The following TEX14 variants were observed in gnomAD, a reference collection of about 807,000 sequenced individuals.
TEX14 encodes testis expressed 14, intercellular bridge forming factor, also known as inactive serine/threonine-protein kinase TEX14.
In TEX14, 168 loss-of-function variants were observed where a neutral mutation model predicts 178.6. That is an observed-to-expected ratio of 0.94 (90% CI 0.83 to 1.07). The LOEUF is 1.07. TEX14 is among the 50% of genes least tolerant of loss of function. TEX14 has a pLI of 0.00. For missense variants in TEX14, 1,730 were observed against 1,753.6 expected, an observed-to-expected ratio of 0.99 and a Z score of 0.24; for synonymous variants, 626 against 634.1, an observed-to-expected ratio of 0.99 and a Z score of 0.19.
At chr17:58,640,910 A>G (rs998662032) in intron 2 of TEX14, among the ~76,000 whole-genome samples, 8 of 151,890 alleles carry the variant, frequency 5.3e-5, no homozygotes, top group Admixed American at 2.0e-4. Context: ...TGTAGAGACA[A>G]GTTTTCACCG....
At position 58,630,548 on chromosome 17, in the gene TEX14, T is replaced by C. The variant is rs1458823814; in HGVS notation, c.143A>G (p.Tyr48Cys). 10 of 1,611,102 alleles carry C rather than the reference T, an allele frequency of 6.2e-6. No individual in the cohort carries two copies. Among genetic ancestry groups the C allele is most frequent in the Non-Finnish European group, 7.6e-6 (9 of 1,177,558 alleles). The change falls in exon 3 of 32, where the codon TAT (tyrosine) becomes TGT (cysteine). Residue 48 changes from tyrosine to cysteine, a missense_variant. Around this residue, in one of 2 missense-constraint regions of TEX14, gnomAD observed 789 missense variants for 681.2 expected, o/e 1.16. Transcript: ENST00000349033. The part of the protein sequence containing the change: ...KVKKILKKGI[Y>C]VDAVNSLGQT... The stretch of plus-strand genomic sequence containing the variant: ...GCCCAAGGAGTTAACTGCATCAACA[T>C]AAATTCCTGCAAAGGAAATATCAGA...
intron 10 of TEX14, among the ~76,000 whole-genome samples, chr17:58,606,954 G>A (rs1014132654): frequency 2.7e-5 from 4 of 150,076 alleles, no homozygotes; most frequent in Non-Finnish European, 5.9e-5. Context: ...GAATCCGGGA[G>A]GCAGAGGTTG....
intron 31 of TEX14, among the ~76,000 whole-genome samples, chr17:58,557,364 G>A (rs1312669128): frequency 2.0e-5 from 3 of 151,566 alleles, no homozygotes; most frequent in Non-Finnish European, 2.9e-5. Context: ...TCTGCCTTCC[G>A]GGTTTAAGCG....
At chr17:58,562,034 G>A (rs550499147) in intron 28 of TEX14, among the ~76,000 whole-genome samples, 3 of 152,190 alleles carry the variant, frequency 2.0e-5, no homozygotes, top group East Asian at 3.9e-4. Flanking sequence ...GCAGTGAGCC[G>A]AGATCACGCG....
chr17:58,689,892 C>G (rs2047663679), intron 1 of TEX14, among the ~76,000 whole-genome samples: 1 of 150,766 alleles, frequency 6.6e-6, no homozygotes, highest in African/African-American at 2.4e-5. Context: ...CTCTGTCGCC[C>G]AGGCTGGAAT....
intron 1 of TEX14, among the ~76,000 whole-genome samples, chr17:58,655,031 CTTTTTTT>C (rs1188938621): frequency 7.6e-6 from 1 of 130,856 alleles, no homozygotes; most frequent in African/African-American, 2.9e-5. Context: ...AAACTCCCTT[CTTTTTTT>C]TTTTTTTTTT....
chr17:58,623,155 CT>C (rs927915421), intron 3 of TEX14, 143 bp from the exon 4 acceptor site: 2 of 620,660 alleles, frequency 3.2e-6, no homozygotes, highest in Non-Finnish European at 5.5e-6. Flanking sequence ...TGTGAGGCCC[CT>C]GTCTGTGCCC....
At chr17:58,666,633 G>A (rs1170781313) in intron 1 of TEX14, 1 of 152,118 alleles carries the variant, frequency 6.6e-6, no homozygotes, top group South Asian at 2.1e-4. Flanking sequence ...AAAGTGCAAC[G>A]AATAAGCCAC....
At chr17:58,613,346 C>T in intron 9 of TEX14, 75 bp downstream of exon 9, 1 of 1,585,616 alleles carries the variant, frequency 6.3e-7, no homozygotes, top group Non-Finnish European at 8.6e-7. Flanking sequence ...GGGATCACCA[C>T]AGCTGGGGCA....
intron 7 of TEX14, among the ~76,000 whole-genome samples, 160 bp from the exon 8 acceptor site, chr17:58,615,505 A>G (rs1374423801): frequency 6.6e-6 from 1 of 152,210 alleles, no homozygotes; most frequent in African/African-American, 2.4e-5. Context: ...ACCCACCCCC[A>G]GGTACTAAAG....
intron 3 of TEX14, among the ~76,000 whole-genome samples, chr17:58,626,383 T>C (rs1258303289): frequency 1.3e-5 from 2 of 151,420 alleles, no homozygotes; most frequent in Admixed American, 6.6e-5. Context: ...TTAGCCAACA[T>C]GGTGAAACCC....
At chr17:58,573,350 A>G in intron 22 of TEX14, 42 bp from the exon 23 acceptor site, 1 of 1,592,910 alleles carries the variant, frequency 6.3e-7, no homozygotes. Flanking sequence ...GAAGATGACT[A>G]GAAAAATCAA....
At chr17:58,565,867 G>A in intron 26 of TEX14, 43 bp from the exon 27 acceptor site, 1 of 1,493,304 alleles carries the variant, frequency 6.7e-7, no homozygotes, top group Non-Finnish European at 9.2e-7. Flanking sequence ...TTCCTCCCTT[G>A]CGTGTCCTGC....
At chr17:58,644,355 C>T (rs563465273) in intron 2 of TEX14, among the ~76,000 whole-genome samples, 6 of 152,072 alleles carry the variant, frequency 3.9e-5, no homozygotes, top group African/African-American at 9.7e-5. Context: ...TTTTTTGAGA[C>T]GGAGTCTCGC....
At chr17:58,618,061 C>T (rs1482487188) in intron 5 of TEX14, among the ~76,000 whole-genome samples, 1 of 152,174 alleles carries the variant, frequency 6.6e-6, no homozygotes, top group African/African-American at 2.4e-5. Context: ...ACTGAATTGT[C>T]CATCTTCAGT....
intron 30 of TEX14, 76 bp from the exon 31 acceptor site, chr17:58,557,926 T>A: frequency 9.0e-7 from 1 of 1,105,560 alleles, no homozygotes; most frequent in Non-Finnish European, 1.4e-6. Context: ...TTCATATTAG[T>A]GCTCCCTCTA....
At chr17:58,637,873 T>TC (rs1555577026) in intron 2 of TEX14, among the ~76,000 whole-genome samples, 2 of 150,622 alleles carry the variant, frequency 1.3e-5, no homozygotes, top group South Asian at 2.1e-4. Context: ...TTTTTTTTTT[T>TC]CCTTTTGAGA....
intron 1 of TEX14, chr17:58,677,791 A>C (rs1567772778): frequency 1.3e-5 from 2 of 152,222 alleles, no homozygotes; most frequent in Admixed American, 6.5e-5. Context: ...CACTCTTCAC[A>C]TAGGGTCACT....
chr17:58,599,791 C>A (rs537611717), intron 13 of TEX14, 125 bp from the exon 14 acceptor site: 7 of 743,938 alleles, frequency 9.4e-6, no homozygotes, highest in Non-Finnish European at 1.3e-5. Context: ...TTTCCCACCC[C>A]CTTCCCAGTT....
Sources: gnomAD v4.1 joint callset for allele counts (sites outside exome capture counted in the v4.1 genomes callset) on GRCh38, gnomAD v4.1.1 for gene constraint, gnomAD v4.1.1 regional missense constraint, MANE v1.5 for transcripts, NCBI Gene and HGNC (gene_info 2026-07-23, HGNC 2026-07-21) for gene names.